Variants in USP30 observed in about 807,000 individuals in gnomAD.
USP30 encodes ubiquitin specific peptidase 30.
Under a neutral mutation model 68.2 loss-of-function variants are expected in USP30, and 41 were observed. The ratio of observed to expected loss-of-function variants is 0.60; its 90% CI spans 0.47 to 0.78. The LOEUF (loss-of-function observed/expected upper bound fraction) is 0.78. USP30 is among the 30% of genes least tolerant of loss of function. USP30 has a pLI of 0.00. For synonymous variants in USP30, 229 were observed against 253.7 expected, an observed-to-expected ratio of 0.90 and a Z score of 0.93; for missense variants, 522 against 649.4, an observed-to-expected ratio of 0.80 and a Z score of 2.13.
chr12:109,069,951 G>A (rs539979537), intron 4 of USP30, among the ~76,000 whole-genome samples: 66 of 152,322 alleles, frequency 4.3e-4, no homozygotes, highest in African/African-American at 1.6e-3. Flanking sequence ...GCTGCCACCT[G>A]TGGAGAATGG....
At position 109,070,165 on chromosome 12, in the gene USP30, G is replaced by C. The variant is rs567770826; in HGVS notation, c.481-1447G>C. On this transcript the variant is annotated intron_variant, in intron 4 of 12. Coordinates refer to ENST00000257548, the MANE Select transcript of USP30 (RefSeq NM_032663.5). This position sits in a 1 kb window ranked among gnomAD's most constrained non-coding sequence, Gnocchi z 4.0. ...GGCTGGAGGGGCAAGAATGCAAGCC[G>C]AGAGGAAAGGTGGGAGGCCGCTGCA... 4.6e-5 allele frequency among the ~76,000 whole-genome samples: 7 copies of C among 152,282 alleles called. No homozygotes were observed. Among genetic ancestry groups the C allele is most frequent in the East Asian group, 3.9e-4 (2 of 5,180 alleles).
Position 109,079,351 on chromosome 12 carries a change from C to CTTTTTTTTTTTTTTTTTTTTTTTTTT in USP30, c.721-1980_721-1955dup, listed in dbSNP as rs71079521. Among the ~76,000 whole-genome samples the CTTTTTTTTTTTTTTTTTTTTTTTTTT allele has an allele frequency of 1.8e-4, 9 of 48,760 alleles. 2 individuals are homozygous for CTTTTTTTTTTTTTTTTTTTTTTTTTT. The highest frequency in any genetic ancestry group is 1.3e-3 in the East Asian group (2 of 1,526). The allele number at this position is 48,760 out of a possible 152,430, so 32.0% of individuals were successfully genotyped here. A position where few individuals can be genotyped will look rare whatever the true frequency, so the allele number is the denominator to read the frequency against. On this transcript the variant is annotated intron_variant, in intron 7 of 12. Transcript: ENST00000257548. ...TTCTTTTCTTTTTCTTTTTTTTTTT[C>CTTTTTTTTTTTTTTTTTTTTTTTTTT]TTTTTTTTTTTTTTTTTTTTTTTTT...
Position 109,085,083 on chromosome 12 carries a change from C to G in USP30, c.1289+10C>G, listed in dbSNP as rs1427857815. ...TTGTTCCCGACTACAGGTGAGCCAC[C>G]CTTTACAAGCCCCATCTTAGAGCTA... is the stretch of plus-strand genomic sequence containing the variant. On this transcript the variant is annotated intron_variant, in intron 12 of 12. Coordinates refer to ENST00000257548, the MANE Select transcript of USP30 (RefSeq NM_032663.5). The G allele has an allele frequency of 7.8e-6, 12 of 1,543,588 alleles. No individual in the cohort carries two copies. In the Admixed American group the frequency reaches 2.1e-4, roughly 27 times the overall value.
rs573799507 is a variant in USP30 at position 109,024,637 on chromosome 12, C to T, written c.-497-166C>T. 1.1e-3 allele frequency among the ~76,000 whole-genome samples: 163 copies of T among 150,166 alleles called. 4 individuals carry two copies. In the South Asian group the frequency reaches 0.02, roughly 18 times the overall value. ...TGGTAAAGCAGCATTTTTTTTTTCCCGAGACCGAGTCTCGCTCTGTCTCCC... is the reference window on the plus strand; with the variant it reads ...TGGTAAAGCAGCATTTTTTTTTTCCTGAGACCGAGTCTCGCTCTGTCTCCC... On this transcript the variant is annotated intron_variant, in intron 1 of 15. Coordinates refer to the USP30 transcript ENST00000392784.
rs191913556 is a variant in USP30, at chr12:109,046,928, C to T, written c.-135-662C>T. ...GCCAGGCTGGTCTCGAACTCCTGAC[C>T]TCAGGTGATCCACCCGCCTGGGCCT... On this transcript the variant is annotated intron_variant, in intron 3 of 15. Coordinates refer to the USP30 transcript ENST00000392784. Among the ~76,000 whole-genome samples, 1,160 of 152,270 alleles carry T rather than the reference C, an allele frequency of 7.6e-3. 3 individuals carry two copies. The highest frequency in any genetic ancestry group is 0.013 in the Non-Finnish European group (851 of 68,026).
At chr12:109,053,357 A>ACCC (rs2040734666) in intron 1 of USP30, among the ~76,000 whole-genome samples, 1 of 151,996 alleles carries the variant, frequency 6.6e-6, no homozygotes, top group Non-Finnish European at 1.5e-5. Context: ...AGGGTCTCTA[A>ACCC]ATTGGTCAGG....
upstream of USP30, chr12:109,047,843 T>C (rs2040619484): frequency 6.6e-6 from 1 of 152,060 alleles, no homozygotes; most frequent in African/African-American, 2.4e-5. Context: ...TACAAAAAAT[T>C]AGCTAGACTA....
At chr12:109,024,870 T>C (rs111982927) in exon 2 of USP30, 20,302 of 151,238 alleles carry the variant, frequency 0.13, 1,993 homozygotes, top group Admixed American at 0.32. Flanking sequence ...CCACCTGCCT[T>C]GGCCCCCCAA....
chr12:109,050,737 G>A (rs2040654816), upstream of USP30, among the ~76,000 whole-genome samples: 1 of 152,152 alleles, frequency 6.6e-6, no homozygotes, highest in Admixed American at 6.6e-5. Flanking sequence ...GGCCGGGCGC[G>A]GTGGCTCACA....
intron 3 of USP30, among the ~76,000 whole-genome samples, chr12:109,063,228 T>G (rs1330676979): frequency 6.6e-6 from 1 of 151,980 alleles, no homozygotes; most frequent in African/African-American, 2.4e-5. Flanking sequence ...GCCTTCCGAG[T>G]AGCTGGGATG....
chr12:109,048,561 G>A (rs555367796), upstream of USP30, among the ~76,000 whole-genome samples: 1 of 151,754 alleles, frequency 6.6e-6, no homozygotes, highest in South Asian at 2.1e-4. Flanking sequence ...CCAACATGGC[G>A]AAACCCCATC....
At chr12:109,036,217 G>A (rs1048006040) in intron 3 of USP30, among the ~76,000 whole-genome samples, 6 of 151,902 alleles carry the variant, frequency 3.9e-5, no homozygotes, top group Non-Finnish European at 8.8e-5. Context: ...CCAACTTTAC[G>A]GATGCTCTTT....
chr12:109,069,244 G>A (rs2041353786), intron 4 of USP30, among the ~76,000 whole-genome samples: 1 of 152,204 alleles, frequency 6.6e-6, no homozygotes, highest in East Asian at 1.9e-4. Flanking sequence ...CCACGGTTTA[G>A]GTTATAGATC....
chr12:109,070,700 T>G lies in USP30; in HGVS notation c.481-912T>G, dbSNP rs1220766144. 6.6e-6 allele frequency among the ~76,000 whole-genome samples: 1 copy of G among 151,936 alleles called. No individual in the cohort carries two copies. Among genetic ancestry groups the G allele is most frequent in the African/African-American group, 2.4e-5 (1 of 41,362 alleles). On this transcript the variant is annotated intron_variant, in intron 4 of 12. Transcript: ENST00000257548. This position sits in a 1 kb window ranked among gnomAD's most constrained non-coding sequence, Gnocchi z 4.0. ...CCGTTACTCCCGGAAGAGTGAGGGG[T>G]GGCTTGGGTTTTTGGGGAGAGAGCC...
intron 7 of USP30, among the ~76,000 whole-genome samples, chr12:109,080,904 C>T (rs537268699): frequency 6.6e-6 from 1 of 152,314 alleles, no homozygotes; most frequent in East Asian, 1.9e-4. Flanking sequence ...GCTGCACCAT[C>T]TAGGTTCTTG....
chr12:109,052,649 A>G lies in USP30; in HGVS notation c.-30A>G, dbSNP rs2040697904. ...GCGGCGGCGGCGGCGGTAGCGGAGG[A>G]GACGGTTTCAGGCCTCCGGTGCGGC... On this transcript the variant is annotated 5_prime_UTR_variant, in exon 1 of 13. Coordinates refer to ENST00000257548, the MANE Select transcript of USP30 (RefSeq NM_032663.5). The G allele has an allele frequency of 2.8e-5, 40 of 1,435,586 alleles. No individual in the cohort carries two copies. Among genetic ancestry groups the G allele is most frequent in the Non-Finnish European group, 3.5e-5 (38 of 1,091,646 alleles). 88.9% of individuals were successfully genotyped at this position (1,435,586 alleles called of 1,614,324 possible).
chr12:109,070,129 T>A lies in USP30; in HGVS notation c.481-1483T>A, dbSNP rs966127841. ...TGGGGACTGGTTTGATCTGACTTGT[T>A]AGAAAAGGAAGGCTGGAGGGGCAAG... On this transcript the variant is annotated intron_variant, in intron 4 of 12. Coordinates refer to ENST00000257548, the MANE Select transcript of USP30 (RefSeq NM_032663.5). This position sits in a 1 kb window ranked among gnomAD's most constrained non-coding sequence, Gnocchi z 4.0. Among the ~76,000 whole-genome samples, 2 of 151,926 alleles carry A rather than the reference T, an allele frequency of 1.3e-5. No individual in the cohort carries two copies. The highest frequency in any genetic ancestry group is 4.8e-5 in the African/African-American group (2 of 41,344).
rs2041822231 is a variant in USP30 at position 109,082,137 on chromosome 12, C to T, written c.867+118C>T. 3.9e-6 allele frequency: 4 copies of T among 1,020,428 alleles called. 1 individual carries two copies. In the Admixed American group the frequency reaches 8.0e-5, roughly 20 times the overall value. 63.2% of individuals were successfully genotyped at this position (1,020,428 alleles called of 1,614,324 possible). On this transcript the variant is annotated intron_variant, in intron 9 of 12. Transcript: ENST00000257548. Reference sequence around the variant, plus strand: ...ATCCAGTGGGTCTTTTCAGCCACTTCTACTTCTCCCTAATTTGGTTTGGAC... The same window carrying T: ...ATCCAGTGGGTCTTTTCAGCCACTTTTACTTCTCCCTAATTTGGTTTGGAC...
intron 11 of USP30, among the ~76,000 whole-genome samples, chr12:109,084,091 G>A (rs1295119231): frequency 6.6e-6 from 1 of 152,178 alleles, no homozygotes; most frequent in African/African-American, 2.4e-5. Flanking sequence ...GGCCACTCGT[G>A]GTGGCTCACA....
Sources: gnomAD v4.1 joint callset for allele counts (sites outside exome capture counted in the v4.1 genomes callset) on GRCh38, gnomAD v4.1.1 for gene constraint, Gnocchi (gnomAD v3.1) non-coding constraint, MANE v1.5 for transcripts, NCBI Gene and HGNC (gene_info 2026-07-23, HGNC 2026-07-21) for gene names.